The following ZNF236 variants were observed in gnomAD, a reference collection of about 807,000 sequenced individuals.
The protein encoded by ZNF236 is zinc finger protein 236.
ZNF236 carries 50 observed loss-of-function variants against 191.2 expected under a neutral mutation model. The observed-to-expected ratio is 0.26, with a 90% CI of 0.21 to 0.33. ZNF236 has a LOEUF of 0.33. ZNF236 is among the 10% of genes least tolerant of loss of function. The probability of loss-of-function intolerance (pLI) is 1.00; values close to 1 mark genes in which losing one functional copy is unlikely to be tolerated. For missense variants in ZNF236, 1,754 were observed against 2,374.5 expected, an observed-to-expected ratio of 0.74 and a Z score of 5.43; for synonymous variants, 907 against 928.8, an observed-to-expected ratio of 0.98 and a Z score of 0.43.
chr18:76,947,710 A>G, intron 27 of ZNF236, 58 bp downstream of exon 27: 1 of 1,579,924 alleles, frequency 6.3e-7, no homozygotes, highest in Non-Finnish European at 8.6e-7. Context: ...ATACAGATTC[A>G]GAAGGGATGG....
intron 25 of ZNF236, among the ~76,000 whole-genome samples, chr18:76,933,860 A>T (rs1967924952): frequency 1.3e-5 from 2 of 152,170 alleles, no homozygotes; most frequent in African/African-American, 4.8e-5. Flanking sequence ...AGTGGATCTC[A>T]ACTGTATAGT....
At chr18:76,854,379 A>G (rs1200693846) in intron 3 of ZNF236, among the ~76,000 whole-genome samples, 2 of 152,142 alleles carry the variant, frequency 1.3e-5, no homozygotes. Context: ...ACCTTTTTCC[A>G]TAATATATTG....
intron 1 of ZNF236, among the ~76,000 whole-genome samples, chr18:76,822,863 C>T (rs1340058134): frequency 6.8e-6 from 1 of 147,380 alleles, no homozygotes; most frequent in Non-Finnish European, 1.5e-5. Flanking sequence ...CGCCGCCCGG[C>T]CCCTCCGCGC....
intron 1 of ZNF236, among the ~76,000 whole-genome samples, chr18:76,825,775 T>TTTTTG (rs1278957534): frequency 6.6e-6 from 1 of 152,214 alleles, no homozygotes; most frequent in African/African-American, 2.4e-5. Context: ...GGCCTCTTTT[T>TTTTTG]TTTTGTTTTG....
chr18:76,856,162 C>T (rs918365234), intron 3 of ZNF236, among the ~76,000 whole-genome samples: 11 of 150,562 alleles, frequency 7.3e-5, no homozygotes, highest in East Asian at 5.8e-4. Context: ...GGATTATAGG[C>T]GTGAGCCACT....
intron 21 of ZNF236, among the ~76,000 whole-genome samples, chr18:76,924,902 A>C (rs1599399069): frequency 6.6e-6 from 1 of 152,234 alleles, no homozygotes; most frequent in African/African-American, 2.4e-5. Context: ...ATATAAATCA[A>C]CTACTCCAAT....
intron 25 of ZNF236, among the ~76,000 whole-genome samples, chr18:76,930,693 A>G (rs2122855653): frequency 6.6e-6 from 1 of 152,194 alleles, no homozygotes; most frequent in Middle Eastern, 3.4e-3. Context: ...CAGGGAGGGG[A>G]GGTTCTGTTA....
chr18:76,875,471 A>G lies in ZNF236; in HGVS notation c.668-21A>G. 6.7e-7 allele frequency: 1 copy of G among 1,483,544 alleles called. No homozygotes were observed. The highest frequency in any genetic ancestry group is 1.4e-5 in the South Asian group (1 of 71,716). The allele number at this position is 1,483,544 out of a possible 1,614,324, so 91.9% of individuals were successfully genotyped here. ...CCATACAATATGGAATTATATTTTG[A>G]TCATTTTTCTCCCACTCTAGGTGAA... On this transcript the variant is annotated intron_variant, in intron 5 of 30. Coordinates refer to ENST00000320610, the MANE Select transcript of ZNF236 (RefSeq NM_001306089.2). The surrounding 1 kb of genome is among the most constrained non-coding windows in gnomAD (Gnocchi z 4.3).
In ZNF236 at chr18:76,880,187, C is replaced by T. The variant is rs2122642612; in HGVS notation, c.1059C>T (p.Ser353=). 6.2e-7 allele frequency: 1 copy of T among 1,614,186 alleles called. No individual in the cohort carries two copies. Among genetic ancestry groups the T allele is most frequent in the African/African-American group, 1.3e-5 (1 of 75,052 alleles). ...CGTCGGCCTCAAGCCAGCCGAGCTC[C>T]CAGGCGGTGAGCGACGTCATCCAGC... is the stretch of plus-strand genomic sequence containing the variant. The part of the protein sequence containing the change: ...QATSASSQPS[S]QAVSDVIQQL... Residue 353 remains serine, a synonymous_variant, in exon 8 of 31, where the codon TCC becomes TCT. Coordinates refer to ENST00000320610, the MANE Select transcript of ZNF236 (RefSeq NM_001306089.2). The surrounding 1 kb of genome is among the most constrained non-coding windows in gnomAD (Gnocchi z 5.0).
At chr18:76,905,477 G>T in intron 13 of ZNF236, 62 bp downstream of exon 13, 1 of 1,503,364 alleles carries the variant, frequency 6.7e-7, no homozygotes, top group South Asian at 1.2e-5. Context: ...ATGGTGGGGA[G>T]TGTTTTTAGG....
intron 27 of ZNF236, among the ~76,000 whole-genome samples, chr18:76,949,088 C>T (rs1968342911): frequency 1.3e-5 from 2 of 152,168 alleles, no homozygotes; most frequent in African/African-American, 4.8e-5. Flanking sequence ...ACAGAAAAAG[C>T]ATTGGCAGCT....
chr18:76,936,210 G>A (rs539241953), intron 25 of ZNF236: 13 of 439,900 alleles, frequency 3.0e-5, no homozygotes, highest in South Asian at 1.8e-4. Flanking sequence ...TCCTTTGGTC[G>A]TCATCTTGGC....
chr18:76,935,830 T>C, intron 25 of ZNF236: 1 of 354,572 alleles, frequency 2.8e-6, no homozygotes, highest in South Asian at 2.1e-5. Context: ...GCAGACGTCC[T>C]CCACAAGGCC....
chr18:76,926,925 A>G (rs1357714052), intron 22 of ZNF236, 112 bp from the exon 23 acceptor site: 1 of 1,256,740 alleles, frequency 8.0e-7, no homozygotes, highest in East Asian at 2.4e-5. Context: ...CATTGTATTG[A>G]CATAATGTGT....
chr18:76,912,112 A>G (rs1967231797), intron 16 of ZNF236, 132 bp from the exon 17 acceptor site: 3 of 631,082 alleles, frequency 4.8e-6, no homozygotes, highest in Non-Finnish European at 8.4e-6. Context: ...ATTACAGTGA[A>G]CTATTTGGGG....
chr18:76,948,703 G>T (rs563804722), intron 27 of ZNF236, among the ~76,000 whole-genome samples: 1 of 152,158 alleles, frequency 6.6e-6, no homozygotes, highest in Admixed American at 6.5e-5. Flanking sequence ...GCCAAGTGTC[G>T]CCCACTTGGG....
At chr18:76,949,661 CTT>C (rs779360324) in intron 27 of ZNF236, among the ~76,000 whole-genome samples, 25 of 141,640 alleles carry the variant, frequency 1.8e-4, no homozygotes, top group Admixed American at 2.1e-4. Flanking sequence ...CATTATTTCT[CTT>C]TTTTTTTTTT....
rs1282090641 is a variant in ZNF236, at chr18:76,871,826, G to A, written c.667+1G>A. On this transcript the variant is annotated splice_donor_variant, in intron 5 of 30. Coordinates refer to ENST00000320610, the MANE Select transcript of ZNF236 (RefSeq NM_001306089.2). LOFTEE classifies it high-confidence loss of function. ...ACGCGACACATTAGGATACACACAG[G>A]TATGAAAACACTGACTTCTGGATGA... The A allele has an allele frequency of 1.2e-6, 2 of 1,614,042 alleles. No homozygotes were observed. The highest frequency in any genetic ancestry group is 1.7e-6 in the Non-Finnish European group (2 of 1,180,016).
At position 76,925,524 on chromosome 18, in the gene ZNF236, G is replaced by T. The variant is rs1262301017; in HGVS notation, c.3997G>T (p.Gly1333Cys). The change falls in exon 22 of 31, where the codon GGC becomes TGC. Residue 1333 changes from glycine to cysteine, a missense_variant. By Grantham distance (159) the Gly-to-Cys change is radical. This residue lies in a region of ZNF236 where 606 missense variants were observed against 761.5 expected (regional missense o/e 0.80). Coordinates refer to ENST00000320610, the MANE Select transcript of ZNF236 (RefSeq NM_001306089.2). This position sits in a 1 kb window ranked among gnomAD's most constrained non-coding sequence, Gnocchi z 5.7. ...GAATCTGCTGCAACCAGGACTGGTG[G>T]GCCAAGCTATTCTCCCTGCCTCTGT... ...DQNLLQPGLV[G>C]QAILPASVSA... 6.2e-7 allele frequency: 1 copy of T among 1,613,664 alleles called. No homozygotes were observed.
Sources: gnomAD v4.1 joint callset for allele counts (sites outside exome capture counted in the v4.1 genomes callset) on GRCh38, gnomAD v4.1.1 for gene constraint, gnomAD v4.1.1 regional missense constraint, Gnocchi (gnomAD v3.1) non-coding constraint, MANE v1.5 for transcripts, NCBI Gene and HGNC (gene_info 2026-07-23, HGNC 2026-07-21) for gene names.